The following DISP3 variants were observed in gnomAD, a reference collection of about 807,000 sequenced individuals.
The protein encoded by DISP3 is dispatched RND transporter family member 3, also known as protein dispatched homolog 3.
Under a neutral mutation model 135.3 loss-of-function variants are expected in DISP3, and 101 were observed. The observed-to-expected ratio is 0.75, with a 90% CI of 0.64 to 0.88. The LOEUF is 0.88. Ranked by LOEUF, DISP3 falls within the 40% of genes least tolerant of loss-of-function variation. DISP3 has a pLI of 0.00. For synonymous variants in DISP3, 856 were observed against 817.0 expected (o/e 1.05, Z -0.81); for missense variants, 1,713 against 1,878.6 (o/e 0.91, Z 1.63).
intron 3 of DISP3, among the ~76,000 whole-genome samples, chr1:11,512,273 G>A (rs1641877821): frequency 6.6e-6 from 1 of 151,308 alleles, no homozygotes; most frequent in Admixed American, 6.6e-5. Context: ...TTTTTCCATT[G>A]CATTGTCAGG....
rs146137851 is a variant in DISP3 at position 11,519,941 on chromosome 1, A to T, written c.2200+61A>T. On this transcript the variant is annotated intron_variant, in intron 9 of 20. Coordinates refer to ENST00000294484, the MANE Select transcript of DISP3 (RefSeq NM_020780.2). This position sits in a 1 kb window ranked among gnomAD's most constrained non-coding sequence, Gnocchi z 4.3. ...AGCTCCACCCCCAAAACACACAGGA[A>T]CTGGGAGCCCACCCCCTCTCGCAGA... The T allele has an allele frequency of 4.9e-4, 747 of 1,516,096 alleles. 4 individuals carry two copies. In the East Asian group the frequency reaches 0.013, roughly 27 times the overall value. 93.9% of individuals were successfully genotyped at this position (1,516,096 alleles called of 1,614,324 possible).
rs1474723886 is a variant in DISP3 at position 11,516,135 on chromosome 1, G to A, written c.1723G>A (p.Ala575Thr). 5.6e-6 allele frequency: 9 copies of A among 1,613,928 alleles called. No individual in the cohort carries two copies. The highest frequency in any genetic ancestry group is 3.3e-4 in the Middle Eastern group (2 of 6,082). Residue 575 changes from alanine to threonine, a missense_variant, in exon 6 of 21, where the codon GCC (alanine) becomes ACC (threonine). Physicochemically the swap from Ala to Thr is moderately conservative, Grantham distance 58 (BLOSUM62 0). Transcript: ENST00000294484. This position sits in a 1 kb window ranked among gnomAD's most constrained non-coding sequence, Gnocchi z 5.1. Reference protein sequence around the residue: ...TFFTSLTTAAAYAANVFSQIP... With the variant: ...TFFTSLTTAATYAANVFSQIP... ...CTTCACCTCCCTGACCACAGCCGCCGCCTACGCAGCTAACGTCTTCTCCCA... is the reference window on the plus strand; with the variant it reads ...CTTCACCTCCCTGACCACAGCCGCCACCTACGCAGCTAACGTCTTCTCCCA...
chr1:11,497,184 G>C (rs1641357945), intron 1 of DISP3, among the ~76,000 whole-genome samples: 1 of 152,108 alleles, frequency 6.6e-6, no homozygotes, highest in East Asian at 1.9e-4. Context: ...CCAGGGGAAA[G>C]TTCTTTTTTT....
chr1:11,534,883 G>A, intron 18 of DISP3, 128 bp from the exon 19 acceptor site: 2 of 902,030 alleles, frequency 2.2e-6, no homozygotes, highest in Non-Finnish European at 3.5e-6. Flanking sequence ...GGTAGGGTAG[G>A]TCCTGTTATG....
rs886873347 is a variant in DISP3 at position 11,515,821 on chromosome 1, G to T, written c.1589-180G>T. Among the ~76,000 whole-genome samples, 5 of 152,122 alleles carry T rather than the reference G, an allele frequency of 3.3e-5. No individual in the cohort carries two copies. The South Asian group carries it at 8.3e-4, about 25-fold the overall frequency. ...GGGGCCAAGGAGTGTGGTGGGTGGG[G>T]CTTGAACTCTTGGTGGGAGGAGCCA... On this transcript the variant is annotated intron_variant, in intron 5 of 20. Coordinates refer to ENST00000294484, the MANE Select transcript of DISP3 (RefSeq NM_020780.2).
rs748812854 is a variant in DISP3, at chr1:11,536,559, G to A, written c.4052G>A (p.Arg1351Gln). The change falls in exon 21 of 21, where the codon CGG becomes CAG. Residue 1351 changes from arginine to glutamine, a missense_variant. Around this residue, in one of 2 missense-constraint regions of DISP3, gnomAD observed 1,142 missense variants for 1,384.6 expected, o/e 0.82. Transcript: ENST00000294484. The surrounding 1 kb of genome is among the most constrained non-coding windows in gnomAD (Gnocchi z 4.3). ...ATCATGGCGCCCAGCTCTTTCACTC[G>A]GACCCGGACTTCCTTCCTCAAGGCC... ...LGIMAPSSFTRTRTSFLKALG... is the reference protein window; with the variant it reads ...LGIMAPSSFTQTRTSFLKALG... 1.7e-5 allele frequency: 28 copies of A among 1,612,474 alleles called. No individual in the cohort carries two copies. Among genetic ancestry groups the A allele is most frequent in the Non-Finnish European group, 2.3e-5 (27 of 1,179,950 alleles).
rs961136786 is a variant in DISP3, at chr1:11,537,379, G to C, written c.*693G>C. 6.7e-6 allele frequency: 1 copy of C among 149,882 alleles called. No homozygotes were observed. The allele number at this position is 149,882 out of a possible 1,614,324, so 9.3% of individuals were successfully genotyped here. On this transcript the variant is annotated 3_prime_UTR_variant, in exon 21 of 21. Coordinates refer to ENST00000294484, the MANE Select transcript of DISP3 (RefSeq NM_020780.2). ...CCCAGCCTCAAGGGGCCCCTCAAAG[G>C]CCCTCTCTGGGGGCTCTGGGGCTCA...
At chr1:11,505,260 G>A (rs1641663788) in intron 3 of DISP3, among the ~76,000 whole-genome samples, 1 of 152,238 alleles carries the variant, frequency 6.6e-6, no homozygotes, top group African/African-American at 2.4e-5. Context: ...GACTGGGATT[G>A]TTGCTGGTTC....
At position 11,523,938 on chromosome 1, in the gene DISP3, G is replaced by T. The variant is rs377345219; in HGVS notation, c.2363-4G>T. Reference sequence around the variant, plus strand: ...GCTGTCCTTGACATGGCGCTGGGGGGCAGGTCTGTTCCAGGAGAAGCCCCA... The same window carrying T: ...GCTGTCCTTGACATGGCGCTGGGGGTCAGGTCTGTTCCAGGAGAAGCCCCA... On this transcript the variant is annotated splice_region_variant and splice_polypyrimidine_tract_variant and intron_variant, in intron 10 of 20. Transcript: ENST00000294484. The T allele has an allele frequency of 6.2e-7, 1 of 1,609,994 alleles. No homozygotes were observed. The highest frequency in any genetic ancestry group is 2.2e-5 in the East Asian group (1 of 44,788).
chr1:11,536,444 G>T lies in DISP3; in HGVS notation c.3937G>T (p.Ala1313Ser), dbSNP rs758570981. 5.6e-6 allele frequency: 9 copies of T among 1,613,388 alleles called. No individual in the cohort carries two copies. Among genetic ancestry groups the T allele is most frequent in the Middle Eastern group, 1.6e-4 (1 of 6,084 alleles). ...AGTGCCCCTCTTCTTCTGCATCATC[G>T]CCCCATTTGCCAAGTTCGGCAAGAT... is the stretch of plus-strand genomic sequence containing the variant. Reference protein sequence around the residue: ...ATVPLFFCIIAPFAKFGKIVA... With the variant: ...ATVPLFFCIISPFAKFGKIVA... Residue 1313 changes from alanine (A) to serine (S), a missense_variant, in exon 21 of 21, where the codon GCC becomes TCC. Physicochemically the swap from Ala to Ser is moderately conservative, Grantham distance 99 (BLOSUM62 1). Coordinates refer to ENST00000294484, the MANE Select transcript of DISP3 (RefSeq NM_020780.2). This position sits in a 1 kb window ranked among gnomAD's most constrained non-coding sequence, Gnocchi z 4.3.
rs570265980 is a variant in DISP3 at position 11,534,559 on chromosome 1, C to T, written c.3535+19C>T. On this transcript the variant is annotated intron_variant, in intron 18 of 20. Transcript: ENST00000294484. ...ATCGTAGGCAAGCGGCAGCCTCGCC[C>T]CTCCATCCTGGGTGGGCAGGAGGCA... 2.5e-6 allele frequency: 4 copies of T among 1,589,070 alleles called. No individual in the cohort carries two copies. In the South Asian group the frequency reaches 4.7e-5, roughly 19 times the overall value.
At chr1:11,503,339 C>G (rs2100417860) in intron 3 of DISP3, among the ~76,000 whole-genome samples, 1 of 152,296 alleles carries the variant, frequency 6.6e-6, no homozygotes, top group South Asian at 2.1e-4. Context: ...ATTATGAAGG[C>G]TAAGTCTCAT....
chr1:11,493,003 GC>G (rs1355634241), intron 1 of DISP3, among the ~76,000 whole-genome samples: 2 of 152,210 alleles, frequency 1.3e-5, no homozygotes, highest in African/African-American at 4.8e-5. Context: ...TCTCTGGGAT[GC>G]TTCACGGCCC....
At chr1:11,512,973 A>G (rs1237542937) in intron 3 of DISP3, among the ~76,000 whole-genome samples, 3 of 152,146 alleles carry the variant, frequency 2.0e-5, no homozygotes, top group Non-Finnish European at 4.4e-5. Context: ...ATTCACTATC[A>G]TGAATAAGTC....
Position 11,501,010 on chromosome 1 carries a change from C to T in DISP3, c.18C>T (p.Asp6=). MDTED[D]PLLQDVWLEE... Reference sequence around the variant, plus strand: ...TGCAGACTATGGACACGGAGGATGACCCCTTGCTGCAGGATGTGTGGCTAG... The same window carrying T: ...TGCAGACTATGGACACGGAGGATGATCCCTTGCTGCAGGATGTGTGGCTAG... The change falls in exon 2 of 21, where the codon GAC becomes GAT. Residue 6 remains aspartate, a synonymous_variant. Transcript: ENST00000294484. This position sits in a 1 kb window ranked among gnomAD's most constrained non-coding sequence, Gnocchi z 4.9. The T allele has an allele frequency of 3.1e-6, 5 of 1,614,010 alleles. No individual in the cohort carries two copies. The highest frequency in any genetic ancestry group is 4.2e-6 in the Non-Finnish European group (5 of 1,180,008).
chr1:11,479,804 C>T (rs1640841793), intron 1 of DISP3, among the ~76,000 whole-genome samples: 1 of 152,210 alleles, frequency 6.6e-6, no homozygotes, highest in Non-Finnish European at 1.5e-5. Flanking sequence ...AGGGAGGGGA[C>T]AGAGTAAGGC....
intron 1 of DISP3, among the ~76,000 whole-genome samples, chr1:11,485,606 CTT>C (rs1641017659): frequency 6.6e-6 from 1 of 152,148 alleles, no homozygotes. Flanking sequence ...CTGCATTGAC[CTT>C]TGCACTGTCC....
chr1:11,490,142 G>T (rs1272941715), intron 1 of DISP3, among the ~76,000 whole-genome samples: 4 of 152,180 alleles, frequency 2.6e-5, no homozygotes, highest in Non-Finnish European at 5.9e-5. Flanking sequence ...GGGGTGGTCT[G>T]GACGGATTGG....
At position 11,520,847 on chromosome 1, in the gene DISP3, A is replaced by G; in HGVS notation, c.2361A>G (p.Ser787=). ...SAEGISCITC[S]GLFQEKPHSL... ...AGGGCATCTCCTGCATCACCTGTTCAGGTGAGGCTTCTAGCCAGGCTGTCC... is the reference window on the plus strand; with the variant it reads ...AGGGCATCTCCTGCATCACCTGTTCGGGTGAGGCTTCTAGCCAGGCTGTCC... Residue 787 remains serine, a splice_region_variant and synonymous_variant, in exon 10 of 21, where the codon TCA becomes TCG. Transcript: ENST00000294484. This position sits in a 1 kb window ranked among gnomAD's most constrained non-coding sequence, Gnocchi z 4.8. The G allele has an allele frequency of 6.3e-7, 1 of 1,598,676 alleles. No individual in the cohort carries two copies. The highest frequency in any genetic ancestry group is 2.3e-5 in the East Asian group (1 of 44,174).
Sources: allele counts gnomAD v4.1 joint callset (sites outside exome capture counted in the v4.1 genomes callset), GRCh38; gene constraint gnomAD v4.1.1; regional missense constraint gnomAD v4.1.1; non-coding constraint Gnocchi (gnomAD v3.1); transcripts MANE v1.5; gene names NCBI Gene and HGNC (gene_info 2026-07-23, HGNC 2026-07-21).